Variants in DUT observed in about 807,000 individuals in gnomAD.
DUT encodes deoxyuridine 5'-triphosphate nucleotidohydrolase, mitochondrial.
DUT carries 21 observed loss-of-function variants against 28.8 expected under a neutral mutation model. The observed-to-expected ratio is 0.73, with a 90% CI of 0.52 to 1.05. The LOEUF is 1.05. Ranked by LOEUF, DUT falls within the 50% of genes least tolerant of loss-of-function variation. The pLI is 0.00. For synonymous variants in DUT, 147 were observed against 143.7 expected (o/e 1.02, Z -0.17); for missense variants, 344 against 351.8 (o/e 0.98, Z 0.18).
intron 6 of DUT, 85 bp from the exon 7 acceptor site, chr15:48,341,937 C>A: frequency 2.1e-6 from 2 of 975,568 alleles, no homozygotes; most frequent in Non-Finnish European, 3.1e-6. Context: ...AGAATTCTGG[C>A]TGTATTTTTC....
Position 48,331,490 on chromosome 15 carries a change from C to T in DUT, c.-26C>T. ...GGCGCACGTCCGGAGGTGCCGAGGA[C>T]CCAACCAGCCCAAACTCTGGGGGAA... On this transcript the variant is annotated 5_prime_UTR_variant, in exon 1 of 7. Transcript: ENST00000331200. The T allele has an allele frequency of 6.2e-7, 1 of 1,610,550 alleles. No individual in the cohort carries two copies. The highest frequency in any genetic ancestry group is 2.2e-5 in the East Asian group (1 of 44,724).
At chr15:48,331,933 G>A (rs1283379574) in intron 1 of DUT, 138 bp downstream of exon 1, 4 of 938,502 alleles carry the variant, frequency 4.3e-6, no homozygotes, top group Non-Finnish European at 5.9e-6. Context: ...GGGTCCCCTG[G>A]CGAGGGGGCG....
At chr15:48,341,794 T>C (rs2042538613) in intron 6 of DUT, 2 of 581,798 alleles carry the variant, frequency 3.4e-6, no homozygotes, top group East Asian at 6.0e-5. Context: ...TAATAAGTTA[T>C]TTAAACATAC....
chr15:48,331,171 C>T, upstream of DUT: 1 of 1,518,796 alleles, frequency 6.6e-7, no homozygotes, highest in Non-Finnish European at 8.8e-7. Flanking sequence ...GGAGTCATGG[C>T]TGCGGGCGGT....
At chr15:48,336,114 T>G (rs1395505877) in intron 4 of DUT, 24 bp downstream of exon 4, 1 of 1,559,538 alleles carries the variant, frequency 6.4e-7, no homozygotes, top group East Asian at 2.3e-5. Flanking sequence ...TTTTTTATTC[T>G]GTAAATGTTT....
chr15:48,336,001 C>A, intron 3 of DUT, 45 bp from the exon 4 acceptor site: 6 of 1,529,118 alleles, frequency 3.9e-6, no homozygotes, highest in Non-Finnish European at 5.4e-6. Flanking sequence ...TCTGATATAG[C>A]CCTTCCCCCT....
upstream of DUT, chr15:48,331,108 CCGGCGCCGAGATGCGGTTCCGGCGCTTA>C: frequency 8.0e-7 from 1 of 1,245,510 alleles, no homozygotes; most frequent in Non-Finnish European, 1.0e-6. Context: ...ATAACTGTCA[CCGGCGCCGAGATGCGGTTCCGGCGCTTA>C]GGGCGCCGCT....
intron 3 of DUT, among the ~76,000 whole-genome samples, chr15:48,335,058 G>C (rs2042460277): frequency 6.6e-6 from 1 of 152,222 alleles, no homozygotes; most frequent in African/African-American, 2.4e-5. Context: ...AGGGAAAGGA[G>C]CTAGACTGGC....
chr15:48,336,615 G>C (rs1566873602), intron 4 of DUT, among the ~76,000 whole-genome samples: 1 of 152,184 alleles, frequency 6.6e-6, no homozygotes, highest in Non-Finnish European at 1.5e-5. Flanking sequence ...TTGATACAGA[G>C]CTACTCCTCT....
At chr15:48,341,748 G>A (rs1014394457) in intron 6 of DUT, 163 bp downstream of exon 6, 1 of 654,572 alleles carries the variant, frequency 1.5e-6, no homozygotes, top group Admixed American at 3.3e-5. Flanking sequence ...TTCTTTAAAT[G>A]TTTTTCATGT....
intron 4 of DUT, 65 bp from the exon 5 acceptor site, chr15:48,341,224 A>G (rs2042530269): frequency 1.1e-6 from 1 of 934,638 alleles, no homozygotes; most frequent in Admixed American, 2.6e-5. Flanking sequence ...TGATTTTGAG[A>G]TAATCTTACA....
At position 48,336,095 on chromosome 15, in the gene DUT, T is replaced by C. The variant is rs1415267736; in HGVS notation, c.556+5T>C. ...AACACTTTATTGATGTAGGAGGTAA[T>C]ATATTTCCTTTTTTATTCTGTAAAT... On this transcript the variant is annotated splice_donor_5th_base_variant and intron_variant, in intron 4 of 6. Coordinates refer to ENST00000331200, the MANE Select transcript of DUT (RefSeq NM_001025248.2). The C allele has an allele frequency of 6.3e-7, 1 of 1,591,114 alleles. No homozygotes were observed. The highest frequency in any genetic ancestry group is 8.5e-7 in the Non-Finnish European group (1 of 1,173,550).
At position 48,342,382 on chromosome 15, in the gene DUT, T is replaced by A; in HGVS notation, c.*304T>A. ...GTGTCTTCTTAAAATCAAATGTAAA[T>A]CAATTACAGATTAAAAAAAAAAGCC... On this transcript the variant is annotated 3_prime_UTR_variant, in exon 7 of 7. Coordinates refer to ENST00000331200, the MANE Select transcript of DUT (RefSeq NM_001025248.2). 5.7e-6 allele frequency: 1 copy of A among 175,962 alleles called. No homozygotes were observed. Among genetic ancestry groups the A allele is most frequent in the Non-Finnish European group, 1.2e-5 (1 of 84,572 alleles). The allele number at this position is 175,962 out of a possible 1,614,324, so 10.9% of individuals were successfully genotyped here.
rs1423776019 is a variant in DUT at position 48,331,695 on chromosome 15, T to C, written c.180T>C (p.Ala60=). 2 of 1,519,744 alleles carry C rather than the reference T, an allele frequency of 1.3e-6. No homozygotes were observed. The highest frequency in any genetic ancestry group is 2.9e-5 in the African/African-American group (2 of 69,908). The allele number at this position is 1,519,744 out of a possible 1,614,324, so 94.1% of individuals were successfully genotyped here. ...QHGIPRPLSS[A]GRLSQGCRGA... ...GGATTCCCCGGCCGCTGTCCAGCGC[T>C]GGCCGCCTGAGCCAAGGCTGCCGCG... The change falls in exon 1 of 7, where the codon GCT becomes GCC. Residue 60 remains alanine (A), a synonymous_variant. Coordinates refer to ENST00000331200, the MANE Select transcript of DUT (RefSeq NM_001025248.2).
At chr15:48,331,281 G>C (rs2141154119), upstream of DUT, 7 of 1,453,236 alleles carry the variant, frequency 4.8e-6, no homozygotes, top group Non-Finnish European at 6.3e-6. Flanking sequence ...AAGCAAGAGG[G>C]CTAGGCAGCC....
rs1028908482 is a variant in DUT, at chr15:48,331,781, C to T, written c.266C>T (p.Pro89Leu). 1.5e-4 allele frequency: 211 copies of T among 1,374,866 alleles called. No homozygotes were observed. The highest frequency in any genetic ancestry group is 1.9e-4 in the Non-Finnish European group (206 of 1,069,732). The allele number at this position is 1,374,866 out of a possible 1,614,324, so 85.2% of individuals were successfully genotyped here. A position where few individuals can be genotyped will look rare whatever the true frequency, so the allele number is the denominator to read the frequency against. Residue 89 changes from proline to leucine, a missense_variant, in exon 1 of 7, where the codon CCG becomes CTG. Coordinates refer to ENST00000331200, the MANE Select transcript of DUT (RefSeq NM_001025248.2). ...KGELPKAGGS[P>L]APGPETPAIS... is the part of the protein sequence containing the mutation. ...GAGCTTCCTAAGGCGGGGGGAAGCC[C>T]GGCGCCGGGGCCGGGTAGGAAAGGC...
At chr15:48,336,167 A>C (rs2042473480) in intron 4 of DUT, 77 bp downstream of exon 4, 1 of 1,235,786 alleles carries the variant, frequency 8.1e-7, no homozygotes, top group African/African-American at 1.6e-5. Context: ...TTCAAATGAC[A>C]GATTTTATTT....
In DUT at chr15:48,336,225, A is replaced by C. The variant is rs563632753; in HGVS notation, c.556+135A>C. On this transcript the variant is annotated intron_variant, in intron 4 of 6. Transcript: ENST00000331200. Reference sequence around the variant, plus strand: ...GGAAAGCTTGTTATAATAGGAGGAAAAGCTTTGTGGTTATTTTAAGTAATT... The same window carrying C: ...GGAAAGCTTGTTATAATAGGAGGAACAGCTTTGTGGTTATTTTAAGTAATT... 2.0e-5 allele frequency: 13 copies of C among 659,212 alleles called. 1 individual carries two copies. In the African/African-American group the frequency reaches 2.3e-4, roughly 12 times the overall value. The allele number at this position is 659,212 out of a possible 1,614,324, so 40.8% of individuals were successfully genotyped here.
At chr15:48,334,529 G>T (rs565876267) in intron 3 of DUT, 21 bp downstream of exon 3, 1 of 1,530,136 alleles carries the variant, frequency 6.5e-7, no homozygotes, top group Non-Finnish European at 9.0e-7. Context: ...TAAGAAACAG[G>T]TAACTATTTG....
Sources: gnomAD v4.1 joint callset for allele counts (sites outside exome capture counted in the v4.1 genomes callset) on GRCh38, gnomAD v4.1.1 for gene constraint, MANE v1.5 for transcripts, NCBI Gene and HGNC (gene_info 2026-07-23, HGNC 2026-07-21) for gene names.